Variants in CHD9 observed in about 807,000 individuals in gnomAD.
CHD9 encodes chromodomain helicase DNA binding protein 9, also known as ATP-dependent chromatin remodeler CHD9.
In CHD9, 77 loss-of-function variants were observed where a neutral mutation model predicts 316.1. The observed-to-expected ratio is 0.24, with a 90% confidence interval of 0.20 to 0.29. The LOEUF is 0.29. Among genes scored for constraint, CHD9 ranks in the 10% least tolerant of loss-of-function variants. CHD9 has a pLI of 1.00. For synonymous variants in CHD9, 1,129 were observed against 1,158.3 expected, an observed-to-expected ratio of 0.97 and a Z score of 0.51; for missense variants, 2,763 against 3,438.1, an observed-to-expected ratio of 0.80 and a Z score of 4.91.
rs1259333234 is a variant in CHD9, at chr16:53,267,393, G to A, written c.4420G>A (p.Gly1474Arg). The A allele has an allele frequency of 6.2e-7, 1 of 1,613,016 alleles. No individual in the cohort carries two copies. The change falls in exon 21 of 39, where the codon GGA becomes AGA. Residue 1474 changes from glycine (G) to arginine (R), a missense_variant. By Grantham distance (125) the Gly-to-Arg change is moderately radical. Coordinates refer to ENST00000447540, the MANE Select transcript of CHD9 (RefSeq NM_001308319.2). ...TGAATTATCTGAAGCTGAAAGTGAA[G>A]GAGATGAAAAGCCCAAACTCCGGAG... ...LAELSEAESE[G>R]DEKPKLRRPC... is the part of the protein sequence containing the mutation.
chr16:53,253,740 C>T (rs1323760028), intron 17 of CHD9, among the ~76,000 whole-genome samples: 2 of 152,126 alleles, frequency 1.3e-5, no homozygotes, highest in Non-Finnish European at 2.9e-5. Context: ...GGTAGGATCT[C>T]TTGAGCCCAG....
chr16:53,118,142 C>T (rs1163068918), intron 1 of CHD9, among the ~76,000 whole-genome samples: 3 of 152,104 alleles, frequency 2.0e-5, no homozygotes, highest in African/African-American at 7.2e-5. Flanking sequence ...CTAAATATTT[C>T]AATGGATTTC....
chr16:53,315,123 A>C, intron 36 of CHD9, 79 bp downstream of exon 36: 1 of 1,020,230 alleles, frequency 9.8e-7, no homozygotes, highest in Non-Finnish European at 1.5e-6. Context: ...ATAAATTCTC[A>C]TCCACTTATG....
At chr16:53,295,853 G>A (rs910088224) in intron 29 of CHD9, among the ~76,000 whole-genome samples, 4 of 152,100 alleles carry the variant, frequency 2.6e-5, no homozygotes, top group African/African-American at 9.7e-5. Context: ...CTGCACTAAG[G>A]TTTGCAGATC....
chr16:53,170,385 T>A (rs1235082230), intron 2 of CHD9, among the ~76,000 whole-genome samples: 1 of 152,202 alleles, frequency 6.6e-6, no homozygotes, highest in African/African-American at 2.4e-5. Context: ...TTTGAATATT[T>A]GGCCAGAGGA....
At chr16:53,210,290 CA>C (rs5816890) in intron 3 of CHD9, among the ~76,000 whole-genome samples, 46,676 of 112,034 alleles carry the variant, frequency 0.42, 7,081 homozygotes, top group Middle Eastern at 0.49. Context: ...AATGAAATGG[CA>C]AAAAAAAAAA....
chr16:53,190,517 G>A (rs974601488), intron 2 of CHD9, among the ~76,000 whole-genome samples: 2 of 151,958 alleles, frequency 1.3e-5, no homozygotes, highest in African/African-American at 2.4e-5. Flanking sequence ...TATAACTTAC[G>A]AAATTTTTTT....
chr16:53,217,959 T>TCTTTCTTTCTTTC (rs1018913032), intron 3 of CHD9, among the ~76,000 whole-genome samples: 2 of 143,096 alleles, frequency 1.4e-5, no homozygotes, highest in East Asian at 4.1e-4. Context: ...TTTCTTTCTT[T>TCTTTCTTTCTTTC]TTTTTTTTAA....
chr16:53,323,447 G>C (rs1264441251), intron 38 of CHD9, among the ~76,000 whole-genome samples: 1 of 152,200 alleles, frequency 6.6e-6, no homozygotes, highest in Non-Finnish European at 1.5e-5. Context: ...AAGTAGCATA[G>C]ATTGTTTTCT....
chr16:53,295,257 G>T (rs1281726631), intron 29 of CHD9, among the ~76,000 whole-genome samples: 1 of 152,174 alleles, frequency 6.6e-6, no homozygotes, highest in Non-Finnish European at 1.5e-5. Flanking sequence ...CTCCTGAGTG[G>T]CTGGCACTAC....
In CHD9 at chr16:53,245,572, T is replaced by C. The variant is rs2049517489; in HGVS notation, c.3199-23T>C. ...ATTAAATGCTCACTTATGTTATATG[T>C]CTTTTTATCATTTTTTATTCAGGTA... On this transcript the variant is annotated intron_variant, in intron 14 of 38. Transcript: ENST00000447540. This position sits in a 1 kb window ranked among gnomAD's most constrained non-coding sequence, Gnocchi z 4.1. 6.5e-7 allele frequency: 1 copy of C among 1,540,652 alleles called. No individual in the cohort carries two copies. The highest frequency in any genetic ancestry group is 1.4e-5 in the African/African-American group (1 of 72,026).
chr16:53,074,580 G>A (rs2034366472), intron 1 of CHD9, among the ~76,000 whole-genome samples: 1 of 152,280 alleles, frequency 6.6e-6, no homozygotes, highest in South Asian at 2.1e-4. Context: ...CTAGGGACTT[G>A]GTGCCCTGCA....
chr16:53,061,173 C>T (rs189666616), intron 1 of CHD9, among the ~76,000 whole-genome samples: 73 of 152,182 alleles, frequency 4.8e-4, no homozygotes, highest in Non-Finnish European at 9.3e-4. Flanking sequence ...GTGATTCACC[C>T]GCCTTGGCCT....
At chr16:53,084,585 T>G (rs77524603) in intron 1 of CHD9, among the ~76,000 whole-genome samples, 18 of 152,168 alleles carry the variant, frequency 1.2e-4, no homozygotes, top group African/African-American at 3.9e-4. Flanking sequence ...TCTACTAAAA[T>G]ACAAAAAATT....
chr16:53,192,634 G>A (rs868511066), intron 2 of CHD9, among the ~76,000 whole-genome samples: 41 of 152,202 alleles, frequency 2.7e-4, no homozygotes, highest in African/African-American at 8.4e-4. Context: ...CCTCATTCCC[G>A]TTTGCACTCA....
chr16:53,156,145 T>C lies in CHD9; in HGVS notation c.56T>C (p.Leu19Ser). ...GATGCCAATCTTTTTGGTGAGACCT[T>C]AGAAGGTTTGTCAGATGATGCATTT... ...FDDANLFGET[L>S]EGLSDDAFVQ... Residue 19 changes from leucine to serine, a missense_variant, in exon 2 of 39, where the codon TTA (leucine) becomes TCA (serine). Physicochemically the swap from Leu to Ser is moderately radical, Grantham distance 145. Around this residue, in one of 15 missense-constraint regions of CHD9, gnomAD observed 859 missense variants for 890.4 expected, o/e 0.96. Coordinates refer to ENST00000447540, the MANE Select transcript of CHD9 (RefSeq NM_001308319.2). 1 of 1,613,886 alleles carries C rather than the reference T, an allele frequency of 6.2e-7. No homozygotes were observed. Among genetic ancestry groups the C allele is most frequent in the Non-Finnish European group, 8.5e-7 (1 of 1,179,846 alleles).
intron 2 of CHD9, among the ~76,000 whole-genome samples, chr16:53,164,770 C>T (rs113614712): frequency 0.038 from 5,806 of 151,946 alleles, 378 homozygotes; most frequent in African/African-American, 0.13. Flanking sequence ...TCTTGTGCCT[C>T]AGCCTCCCAG....
intron 3 of CHD9, among the ~76,000 whole-genome samples, chr16:53,214,915 CTTT>C (rs71143973): frequency 1.4e-4 from 17 of 123,368 alleles, no homozygotes; most frequent in Admixed American, 2.4e-4. Flanking sequence ...CAATATATAT[CTTT>C]TTTTTTTTTT....
At chr16:53,165,886 T>C (rs116192417) in intron 2 of CHD9, among the ~76,000 whole-genome samples, 53 of 152,266 alleles carry the variant, frequency 3.5e-4, no homozygotes, top group African/African-American at 1.2e-3. Context: ...AAATGACTTA[T>C]AAAATATTTA....
Sources: allele counts gnomAD v4.1 joint callset (sites outside exome capture counted in the v4.1 genomes callset), GRCh38; gene constraint gnomAD v4.1.1; regional missense constraint gnomAD v4.1.1; non-coding constraint Gnocchi (gnomAD v3.1); transcripts MANE v1.5; gene names NCBI Gene and HGNC (gene_info 2026-07-23, HGNC 2026-07-21).